The following EIF2A variants were observed in gnomAD, a reference collection of about 807,000 sequenced individuals.
EIF2A encodes 65 kDa eukaryotic translation initiation factor 2A.
EIF2A carries 62 observed loss-of-function variants against 75.2 expected under a neutral mutation model. The ratio of observed to expected loss-of-function variants is 0.82; its 90% CI spans 0.67 to 1.02. The LOEUF is 1.02. EIF2A is among the 50% of genes least tolerant of loss of function. The probability of loss-of-function intolerance (pLI) is 0.00; values close to 1 mark genes in which losing one functional copy is unlikely to be tolerated. For missense variants in EIF2A, 611 were observed against 677.7 expected, an observed-to-expected ratio of 0.90 and a Z score of 1.09; for synonymous variants, 207 against 239.0, an observed-to-expected ratio of 0.87 and a Z score of 1.23.
At chr3:150,565,650 C>G in intron 6 of EIF2A, 1 of 157,682 alleles carries the variant, frequency 6.3e-6, no homozygotes, top group Non-Finnish European at 1.4e-5. Flanking sequence ...TCTCGACTTC[C>G]TGGGCTCAAG....
At chr3:150,554,339 A>G (rs1723460021) in intron 2 of EIF2A, among the ~76,000 whole-genome samples, 1 of 152,234 alleles carries the variant, frequency 6.6e-6, no homozygotes. Flanking sequence ...TTTCTTATAC[A>G]AACTGTTTCT....
intron 1 of EIF2A, among the ~76,000 whole-genome samples, chr3:150,549,228 T>C (rs890211504): frequency 6.6e-6 from 1 of 151,798 alleles, no homozygotes; most frequent in Admixed American, 6.6e-5. Context: ...CTTTCTTTTT[T>C]TTTTTTTTTG....
At chr3:150,583,358 G>T in intron 13 of EIF2A, 93 bp downstream of exon 13, 1 of 1,245,866 alleles carries the variant, frequency 8.0e-7, no homozygotes, top group Non-Finnish European at 1.1e-6. Context: ...AAGAGCACAT[G>T]GAGTTTAAAA....
At position 150,583,448 on chromosome 3, in the gene EIF2A, T is replaced by C. The variant is rs191255415; in HGVS notation, c.1692+183T>C. Among the ~76,000 whole-genome samples the C allele has an allele frequency of 3.8e-4, 58 of 152,348 alleles. No individual in the cohort carries two copies. In the East Asian group the frequency reaches 6.2e-3, roughly 16 times the overall value. On this transcript the variant is annotated intron_variant, in intron 13 of 13. Transcript: ENST00000460851. ...GCTTTACTCTTAAATAGAAGAGATA[T>C]GGTATTGATCATGTGAATGAAAAAG...
intron 1 of EIF2A, 114 bp from the exon 2 acceptor site, chr3:150,552,242 A>AT: frequency 1.2e-6 from 1 of 813,028 alleles, no homozygotes; most frequent in Non-Finnish European, 2.0e-6. Flanking sequence ...TCAATGAAAT[A>AT]TTTAATGATT....
intron 11 of EIF2A, among the ~76,000 whole-genome samples, chr3:150,580,981 G>T (rs1018286263): frequency 6.6e-6 from 1 of 152,182 alleles, no homozygotes; most frequent in East Asian, 1.9e-4. Flanking sequence ...TGCAGTTGAC[G>T]CTTGGTTACT....
intron 1 of EIF2A, 61 bp downstream of exon 1, chr3:150,546,891 G>T: frequency 6.2e-7 from 1 of 1,603,142 alleles, no homozygotes. Flanking sequence ...TTTTGTCTTT[G>T]CCTTTGAGAA....
chr3:150,557,206 G>A (rs1403806275), intron 2 of EIF2A, among the ~76,000 whole-genome samples: 1 of 152,078 alleles, frequency 6.6e-6, no homozygotes, highest in Non-Finnish European at 1.5e-5. Flanking sequence ...GTAATGTAAG[G>A]ACTGACTAAT....
chr3:150,575,554 A>G (rs1724803653), intron 10 of EIF2A, 95 bp from the exon 11 acceptor site: 1 of 921,138 alleles, frequency 1.1e-6, no homozygotes. Context: ...ATTTGATAAA[A>G]TAAGTTTATC....
At chr3:150,583,353 C>T (rs1335988019) in intron 13 of EIF2A, 88 bp downstream of exon 13, 4 of 1,274,936 alleles carry the variant, frequency 3.1e-6, no homozygotes, top group African/African-American at 1.5e-5. Context: ...GGTAAAAGAG[C>T]ACATGGAGTT....
intron 11 of EIF2A, among the ~76,000 whole-genome samples, chr3:150,580,369 T>A (rs1725111685): frequency 6.6e-6 from 1 of 152,140 alleles, no homozygotes; most frequent in Non-Finnish European, 1.5e-5. Flanking sequence ...CAGTAACTCA[T>A]AAGAAAATAG....
intron 2 of EIF2A, 118 bp downstream of exon 2, chr3:150,552,543 T>A: frequency 1.3e-6 from 1 of 764,496 alleles, no homozygotes; most frequent in Non-Finnish European, 2.1e-6. Context: ...ATTTTTATTG[T>A]ATAATATTTA....
At chr3:150,562,157 T>C (rs1050773109) in intron 3 of EIF2A, among the ~76,000 whole-genome samples, 1 of 151,638 alleles carries the variant, frequency 6.6e-6, no homozygotes, top group African/African-American at 2.4e-5. Flanking sequence ...GCATGGTGGC[T>C]CACGCCTGTA....
chr3:150,562,723 A>T, intron 4 of EIF2A, 63 bp downstream of exon 4: 1 of 1,235,930 alleles, frequency 8.1e-7, no homozygotes, highest in Non-Finnish European at 1.2e-6. Context: ...GGGGGGGAAA[A>T]AGTTATAAAG....
intron 11 of EIF2A, among the ~76,000 whole-genome samples, chr3:150,580,326 C>G (rs1172498515): frequency 6.6e-6 from 1 of 152,014 alleles, no homozygotes; most frequent in East Asian, 1.9e-4. Context: ...GTACCGAACC[C>G]TATAGAGACT....
At chr3:150,553,786 A>C (rs564533755) in intron 2 of EIF2A, among the ~76,000 whole-genome samples, 4 of 152,316 alleles carry the variant, frequency 2.6e-5, no homozygotes, top group African/African-American at 9.6e-5. Context: ...TAATTGTATT[A>C]ATGTTGTTAG....
chr3:150,576,157 T>C (rs1317557614), intron 11 of EIF2A, among the ~76,000 whole-genome samples: 1 of 151,930 alleles, frequency 6.6e-6, no homozygotes, highest in Non-Finnish European at 1.5e-5. Context: ...AATACTTGAC[T>C]GTGACCAGGT....
intron 10 of EIF2A, among the ~76,000 whole-genome samples, chr3:150,573,947 G>A (rs1724697750): frequency 6.6e-6 from 1 of 151,942 alleles, no homozygotes; most frequent in South Asian, 2.1e-4. Flanking sequence ...TGGGGGTTTC[G>A]ATCTGTAATC....
chr3:150,554,814 G>A (rs984233678), intron 2 of EIF2A, among the ~76,000 whole-genome samples: 3 of 152,096 alleles, frequency 2.0e-5, no homozygotes, highest in Admixed American at 2.0e-4. Context: ...GGAAGCATGG[G>A]CCCAACCAAG....
Sources: allele counts gnomAD v4.1 joint callset (sites outside exome capture counted in the v4.1 genomes callset), GRCh38; gene constraint gnomAD v4.1.1; transcripts MANE v1.5; gene names NCBI Gene and HGNC (gene_info 2026-07-23, HGNC 2026-07-21).